The following BICD1 variants were observed in gnomAD, a reference collection of about 807,000 sequenced individuals.
BICD1 encodes BICD cargo adaptor 1.
In BICD1, 35 loss-of-function variants were observed where a neutral mutation model predicts 92.5. That is an observed-to-expected ratio of 0.38 (90% CI 0.29 to 0.50). BICD1 has a LOEUF of 0.50. BICD1 is among the 20% of genes least tolerant of loss of function. BICD1 has a pLI of 0.93. For synonymous variants in BICD1, 429 were observed against 465.1 expected (o/e 0.92, Z 1.00); for missense variants, 950 against 1,189.8 (o/e 0.80, Z 2.97).
chr12:32,295,050 C>T (rs896451705), intron 3 of BICD1, among the ~76,000 whole-genome samples: 1 of 144,552 alleles, frequency 6.9e-6, no homozygotes, highest in South Asian at 2.2e-4. Flanking sequence ...CCACTGCACT[C>T]CAGCCTGGGT....
chr12:32,210,230 T>C (rs1296134578), intron 1 of BICD1, among the ~76,000 whole-genome samples: 1 of 151,892 alleles, frequency 6.6e-6, no homozygotes, highest in Admixed American at 6.6e-5. Context: ...GAACAACAAA[T>C]GAATGAATGA....
chr12:32,332,731 A>T (rs1241443289), intron 5 of BICD1: 1 of 494,436 alleles, frequency 2.0e-6, no homozygotes, highest in Non-Finnish European at 2.6e-6. Flanking sequence ...TTATTAAAGG[A>T]TAAGAAGTTG....
intron 1 of BICD1, among the ~76,000 whole-genome samples, chr12:32,133,573 T>C (rs1942631071): frequency 6.6e-6 from 1 of 152,148 alleles, no homozygotes; most frequent in Non-Finnish European, 1.5e-5. Context: ...CAGCATTCTA[T>C]AGTTATAATG....
At chr12:32,348,723 A>AAAAAAAATATATATATAT (rs1938731695) in intron 8 of BICD1, among the ~76,000 whole-genome samples, 1 of 117,964 alleles carries the variant, frequency 8.5e-6, no homozygotes, top group Non-Finnish European at 1.9e-5. Context: ...CTCACACAAA[A>AAAAAAAATATATATATAT]ATATATATAT....
In BICD1 at chr12:32,107,084, C is replaced by CGGCG; in HGVS notation, c.-246_-243dup. 1 of 503,130 alleles carries CGGCG rather than the reference C, an allele frequency of 2.0e-6. No individual in the cohort carries two copies. The highest frequency in any genetic ancestry group is 3.6e-6 in the Non-Finnish European group (1 of 279,332). The allele number at this position is 503,130 out of a possible 1,614,324, so 31.2% of individuals were successfully genotyped here. ...CAGGGGCCGGCCCCGAGGACACATG[C>CGGCG]GGCGGCCTTTGCCGCCTCGCCCCTG... On this transcript the variant is annotated 5_prime_UTR_variant, in exon 1 of 10. An upstream open reading frame in the 5' UTR loses its in-frame stop. Coordinates refer to ENST00000652176, the MANE Select transcript of BICD1 (RefSeq NM_001714.4).
At chr12:32,248,096 C>CA (rs1046426308) in intron 2 of BICD1, among the ~76,000 whole-genome samples, 9 of 151,284 alleles carry the variant, frequency 5.9e-5, no homozygotes, top group East Asian at 1.9e-4. Context: ...AACAAACAAA[C>CA]AAAAAAAACA....
rs1254380615 is a variant in BICD1 at position 32,107,021 on chromosome 12, C to G, written c.-311C>G. On this transcript the variant is annotated 5_prime_UTR_variant, in exon 1 of 10. Transcript: ENST00000652176. ...GGAGCCCCTCGCTACCCGCGGCCGCCGCAGCCCGGGCCATGCCGCACGGCT... is the reference window on the plus strand; with the variant it reads ...GGAGCCCCTCGCTACCCGCGGCCGCGGCAGCCCGGGCCATGCCGCACGGCT... 1 of 321,624 alleles carries G rather than the reference C, an allele frequency of 3.1e-6. No individual in the cohort carries two copies. Among genetic ancestry groups the G allele is most frequent in the Admixed American group, 4.7e-5 (1 of 21,132 alleles). 19.9% of individuals were successfully genotyped at this position (321,624 alleles called of 1,614,324 possible). A position where few individuals can be genotyped will look rare whatever the true frequency, so the allele number is the denominator to read the frequency against.
chr12:32,126,279 A>G (rs1288799966), intron 1 of BICD1, among the ~76,000 whole-genome samples: 1 of 152,038 alleles, frequency 6.6e-6, no homozygotes, highest in Non-Finnish European at 1.5e-5. Context: ...CTCAGACTTC[A>G]TACCCCACCA....
intron 3 of BICD1, among the ~76,000 whole-genome samples, chr12:32,298,375 C>T (rs1183237262): frequency 6.6e-6 from 1 of 150,968 alleles, no homozygotes; most frequent in Admixed American, 6.6e-5. Flanking sequence ...GTCTGGCCAA[C>T]ATAGTGAAAC....
rs371965498 is a variant in BICD1 at position 32,216,378 on chromosome 12, G to A, written c.345G>A (p.Glu115=). The change falls in exon 2 of 10, where the codon GAG becomes GAA. Residue 115 remains glutamate, a synonymous_variant. Coordinates refer to ENST00000652176, the MANE Select transcript of BICD1 (RefSeq NM_001714.4). ...GGAAGATCTTGGAGATGCAGAACGA[G>A]CTGAAACAGAGCCGGGCTGTGGTCA... is the stretch of plus-strand genomic sequence containing the variant. ...YLGKILEMQN[E]LKQSRAVVTN... The A allele has an allele frequency of 1.9e-6, 3 of 1,614,178 alleles. No homozygotes were observed. Among genetic ancestry groups the A allele is most frequent in the Non-Finnish European group, 2.5e-6 (3 of 1,180,026 alleles).
At chr12:32,152,347 C>T (rs1943313986) in intron 1 of BICD1, among the ~76,000 whole-genome samples, 1 of 151,652 alleles carries the variant, frequency 6.6e-6, no homozygotes, top group South Asian at 2.1e-4. Context: ...CTCCTGGGCT[C>T]AAGTGATCCT....
intron 1 of BICD1, among the ~76,000 whole-genome samples, chr12:32,130,406 T>C (rs1942499783): frequency 6.6e-6 from 1 of 152,086 alleles, no homozygotes; most frequent in Non-Finnish European, 1.5e-5. Flanking sequence ...GGTTTCACCG[T>C]GGTCTCGATC....
chr12:32,370,163 T>G (rs955824036), intron 9 of BICD1, among the ~76,000 whole-genome samples: 1 of 151,954 alleles, frequency 6.6e-6, no homozygotes, highest in Non-Finnish European at 1.5e-5. Context: ...GGTCAAGAGA[T>G]CGAGACCACC....
intron 8 of BICD1, among the ~76,000 whole-genome samples, chr12:32,343,254 G>T (rs1938447748): frequency 6.6e-6 from 1 of 152,114 alleles, no homozygotes; most frequent in Non-Finnish European, 1.5e-5. Flanking sequence ...TCACAAAATT[G>T]TTGCCTATTT....
intron 2 of BICD1, among the ~76,000 whole-genome samples, chr12:32,242,741 T>C (rs1305603895): frequency 6.6e-6 from 1 of 152,220 alleles, no homozygotes; most frequent in Non-Finnish European, 1.5e-5. Context: ...AAAGGTTTAG[T>C]GTTCCTGTTT....
intron 2 of BICD1, among the ~76,000 whole-genome samples, chr12:32,239,012 C>T (rs898108702): frequency 2.7e-5 from 4 of 149,770 alleles, no homozygotes; most frequent in African/African-American, 2.5e-5. Context: ...TTTGGGAGGC[C>T]GAGGCAGGTG....
intron 6 of BICD1, 90 bp downstream of exon 6, chr12:32,334,757 T>A: frequency 7.0e-7 from 1 of 1,423,258 alleles, no homozygotes; most frequent in East Asian, 2.3e-5. Context: ...GTTGAGTGTA[T>A]TCGGTGAGTA....
intron 1 of BICD1, among the ~76,000 whole-genome samples, chr12:32,133,623 T>C (rs1942632669): frequency 6.6e-6 from 1 of 152,198 alleles, no homozygotes; most frequent in Non-Finnish European, 1.5e-5. Flanking sequence ...TGGCTACCTT[T>C]CATGATGCAT....
chr12:32,238,838 G>T (rs1946147960), intron 2 of BICD1, among the ~76,000 whole-genome samples: 1 of 151,606 alleles, frequency 6.6e-6, no homozygotes, highest in Non-Finnish European at 1.5e-5. Context: ...CAGCTACTTG[G>T]GAGGCTGAGG....
Sources: gnomAD v4.1 joint callset for allele counts (sites outside exome capture counted in the v4.1 genomes callset) on GRCh38, gnomAD v4.1.1 for gene constraint, MANE v1.5 for transcripts, NCBI Gene and HGNC (gene_info 2026-07-23, HGNC 2026-07-21) for gene names.